The following CCDC91 variants were observed in gnomAD, a reference collection of about 807,000 sequenced individuals.
CCDC91 encodes the protein coiled-coil domain-containing protein 91.
In CCDC91, 48 loss-of-function variants were observed where a neutral mutation model predicts 63.2. The ratio of observed to expected loss-of-function variants is 0.76; its 90% CI spans 0.60 to 0.97. The LOEUF is 0.97. Ranked by LOEUF, CCDC91 falls within the 50% of genes least tolerant of loss-of-function variation. The pLI is 0.00. For missense variants in CCDC91, 500 were observed against 494.6 expected, an observed-to-expected ratio of 1.01 and a Z score of -0.10; for synonymous variants, 167 against 165.8, an observed-to-expected ratio of 1.01 and a Z score of -0.06.
At chr12:28,465,018 C>G (rs1435806998) in intron 11 of CCDC91, among the ~76,000 whole-genome samples, 1 of 152,128 alleles carries the variant, frequency 6.6e-6, no homozygotes, top group African/African-American at 2.4e-5. Context: ...TGGAAGAGCC[C>G]TTGGGCCTTA....
chr12:28,503,341 C>T (rs1437781124), intron 12 of CCDC91, among the ~76,000 whole-genome samples: 1 of 152,072 alleles, frequency 6.6e-6, no homozygotes, highest in Non-Finnish European at 1.5e-5. Flanking sequence ...AAAATGCTCA[C>T]CATCACTGGC....
chr12:28,283,833 T>C (rs1252230254), intron 3 of CCDC91, among the ~76,000 whole-genome samples: 2 of 152,214 alleles, frequency 1.3e-5, no homozygotes, highest in African/African-American at 2.4e-5. Flanking sequence ...ATTTTCCATT[T>C]ATGATATCAT....
chr12:28,201,291 G>A (rs879251576), intron 1 of CCDC91, among the ~76,000 whole-genome samples: 1 of 150,414 alleles, frequency 6.6e-6, no homozygotes, highest in South Asian at 2.1e-4. Flanking sequence ...GCCAGGCGGA[G>A]GGTCTCCTCA....
intron 12 of CCDC91, among the ~76,000 whole-genome samples, chr12:28,504,151 A>G (rs1438310772): frequency 1.3e-5 from 2 of 151,838 alleles, no homozygotes; most frequent in African/African-American, 4.8e-5. Context: ...ATTCAAAAGA[A>G]TCATATTAAA....
At position 28,362,450 on chromosome 12, in the gene CCDC91, C is replaced by A; in HGVS notation, c.589C>A (p.Gln197Lys). The A allele has an allele frequency of 6.3e-7, 1 of 1,582,952 alleles. No homozygotes were observed. Among genetic ancestry groups the A allele is most frequent in the Non-Finnish European group, 8.6e-7 (1 of 1,163,962 alleles). The change falls in exon 7 of 13, where the codon CAA becomes AAA. Residue 197 changes from glutamine (Q) to lysine (K), a missense_variant. Gln to Lys is a moderately conservative substitution (Grantham distance 53). Transcript: ENST00000536442. Reference protein sequence around the residue: ...RYKELQEKHKQELEDMRKAGH... With the variant: ...RYKELQEKHKKELEDMRKAGH... ...TTTTTTCTTTCAGGAAAAACATAAACAAGAATTGGAAGACATGAGGAAAGC... is the reference window on the plus strand; with the variant it reads ...TTTTTTCTTTCAGGAAAAACATAAAAAAGAATTGGAAGACATGAGGAAAGC...
chr12:28,505,713 G>A (rs558507037), intron 12 of CCDC91, among the ~76,000 whole-genome samples: 10 of 152,012 alleles, frequency 6.6e-5, no homozygotes, highest in Admixed American at 2.6e-4. Context: ...CAGAAGTGAA[G>A]CCAAAAATAA....
At chr12:28,502,298 A>C (rs1014873919) in intron 12 of CCDC91, among the ~76,000 whole-genome samples, 2 of 152,016 alleles carry the variant, frequency 1.3e-5, no homozygotes, top group Non-Finnish European at 2.9e-5. Flanking sequence ...ACAGACAAAC[A>C]GAGAGCCAAA....
At chr12:28,195,284 C>T (rs1232656349) in intron 1 of CCDC91, among the ~76,000 whole-genome samples, 1 of 152,096 alleles carries the variant, frequency 6.6e-6, no homozygotes, top group East Asian at 1.9e-4. Flanking sequence ...TCTCCAAGTC[C>T]CCTACCCGAT....
At chr12:28,391,178 A>G in intron 7 of CCDC91, 126 bp from the exon 8 acceptor site, 1 of 542,150 alleles carries the variant, frequency 1.8e-6, no homozygotes, top group South Asian at 2.9e-5. Context: ...GTATTAACAA[A>G]TACATATTTT....
intron 3 of CCDC91, among the ~76,000 whole-genome samples, chr12:28,284,060 T>C (rs978417311): frequency 6.6e-6 from 1 of 152,192 alleles, no homozygotes; most frequent in Non-Finnish European, 1.5e-5. Flanking sequence ...CTAAAGTGTT[T>C]CTTATATAAG....
At chr12:28,247,711 G>A (rs1945846097) in intron 1 of CCDC91, among the ~76,000 whole-genome samples, 1 of 152,122 alleles carries the variant, frequency 6.6e-6, no homozygotes, top group African/African-American at 2.4e-5. Flanking sequence ...GAGAGGAGTA[G>A]ATGTATTCTG....
At chr12:28,319,682 T>C (rs893197180) in intron 6 of CCDC91, among the ~76,000 whole-genome samples, 1 of 151,718 alleles carries the variant, frequency 6.6e-6, no homozygotes, top group Non-Finnish European at 1.5e-5. Context: ...GTTGTTATAT[T>C]ATATCATAAT....
chr12:28,538,801 A>G (rs1018168950), intron 12 of CCDC91, among the ~76,000 whole-genome samples: 1 of 152,114 alleles, frequency 6.6e-6, no homozygotes, highest in African/African-American at 2.4e-5. Flanking sequence ...TTGCCATTCT[A>G]ACTGGTGTGA....
chr12:28,449,158 T>A (rs1409983058), intron 8 of CCDC91, among the ~76,000 whole-genome samples: 6 of 152,174 alleles, frequency 3.9e-5, no homozygotes, highest in African/African-American at 1.2e-4. Flanking sequence ...AAAGCAGGAA[T>A]AACAGATTAT....
chr12:28,439,104 A>G (rs963149837), intron 8 of CCDC91, among the ~76,000 whole-genome samples: 2 of 152,198 alleles, frequency 1.3e-5, no homozygotes, highest in African/African-American at 2.4e-5. Context: ...CTACTTAAAT[A>G]GGAAGAACAA....
chr12:28,397,957 A>AGGG lies in CCDC91; in HGVS notation c.762+6546_762+6547insGGG, dbSNP rs1946390873. ...TATTCCTGTTTATTCCCTTAGAGTTACAAGTACTTTGTTGAATTGAGTGCT... is the reference window on the plus strand; with the variant it reads ...TATTCCTGTTTATTCCCTTAGAGTTAGGGCAAGTACTTTGTTGAATTGAGTGCT... On this transcript the variant is annotated intron_variant, in intron 8 of 12. Coordinates refer to ENST00000536442, the MANE Select transcript of CCDC91 (RefSeq NM_018318.5). Among the ~76,000 whole-genome samples the AGGG allele has an allele frequency of 3.3e-5, 5 of 152,274 alleles. No individual in the cohort carries two copies. In the South Asian group the frequency reaches 1.0e-3, roughly 32 times the overall value.
chr12:28,296,392 T>G (rs1428628796), intron 3 of CCDC91, among the ~76,000 whole-genome samples: 1 of 151,814 alleles, frequency 6.6e-6, no homozygotes. Flanking sequence ...AAGAAGCGAG[T>G]AGAGGTGGAG....
At chr12:28,454,477 C>T (rs1203522499) in intron 11 of CCDC91, among the ~76,000 whole-genome samples, 1 of 152,134 alleles carries the variant, frequency 6.6e-6, no homozygotes, top group Non-Finnish European at 1.5e-5. Flanking sequence ...TGGAAAAATT[C>T]GAACTTTGGA....
In CCDC91 at chr12:28,479,146, A is replaced by G. The variant is rs1313548428; in HGVS notation, c.1102-4906A>G. On this transcript the variant is annotated intron_variant, in intron 11 of 12. Transcript: ENST00000536442. ...CTAAAGGATTGTAAATCATGCTGCT[A>G]TAAAGACACATGCACATGTATGTTT... Among the ~76,000 whole-genome samples the G allele has an allele frequency of 1.3e-5, 2 of 152,206 alleles. 1 individual carries two copies. Among genetic ancestry groups the G allele is most frequent in the South Asian group, 4.1e-4 (2 of 4,824 alleles).
Sources: allele counts gnomAD v4.1 joint callset (sites outside exome capture counted in the v4.1 genomes callset), GRCh38; gene constraint gnomAD v4.1.1; transcripts MANE v1.5; gene names NCBI Gene and HGNC (gene_info 2026-07-23, HGNC 2026-07-21).